Variants in NEK10 observed in about 807,000 individuals in gnomAD.
The protein encoded by NEK10 is serine/threonine-protein kinase Nek10.
NEK10 carries 122 observed loss-of-function variants against 159.8 expected under a neutral mutation model. The ratio of observed to expected loss-of-function variants is 0.76; its 90% CI spans 0.66 to 0.89. NEK10 has a LOEUF of 0.89. NEK10 is among the 40% of genes least tolerant of loss of function. NEK10 has a pLI of 0.00. For synonymous variants in NEK10, 466 were observed against 457.1 expected, an observed-to-expected ratio of 1.02 and a Z score of -0.25; for missense variants, 1,342 against 1,323.1, an observed-to-expected ratio of 1.01 and a Z score of -0.22.
chr3:27,263,903 G>A (rs562537981), intron 22 of NEK10, among the ~76,000 whole-genome samples: 12 of 152,236 alleles, frequency 7.9e-5, no homozygotes, highest in Non-Finnish European at 1.3e-4. Flanking sequence ...CGTCTTCTGC[G>A]TCGCTCATGC....
At chr3:27,307,185 T>C (rs2149571663) in intron 11 of NEK10, among the ~76,000 whole-genome samples, 1 of 152,366 alleles carries the variant, frequency 6.6e-6, no homozygotes, top group South Asian at 2.1e-4. Context: ...CTATATTTAA[T>C]GCTCTTTTAT....
At chr3:27,153,351 A>G (rs563169729) in intron 30 of NEK10, among the ~76,000 whole-genome samples, 1 of 151,900 alleles carries the variant, frequency 6.6e-6, no homozygotes, top group Non-Finnish European at 1.5e-5. Flanking sequence ...TGAGACAGAC[A>G]GTAGCGGGGA....
intron 31 of NEK10, among the ~76,000 whole-genome samples, chr3:27,136,200 C>T (rs1943189250): frequency 1.3e-5 from 2 of 150,502 alleles, no homozygotes; most frequent in South Asian, 4.2e-4. Flanking sequence ...GCAAGCTCCA[C>T]CTCCCAGGTT....
chr3:27,322,030 A>T (rs2045676146), intron 6 of NEK10, 147 bp downstream of exon 6: 13 of 557,224 alleles, frequency 2.3e-5, no homozygotes, highest in Non-Finnish European at 3.9e-5. Flanking sequence ...TTTAAATAGT[A>T]GATGAGACAT....
At chr3:27,258,826 G>A (rs933056488) in intron 22 of NEK10, among the ~76,000 whole-genome samples, 1 of 152,120 alleles carries the variant, frequency 6.6e-6, no homozygotes, top group African/African-American at 2.4e-5. Context: ...CTAGTTTACA[G>A]TCCCACCAAC....
intron 30 of NEK10, among the ~76,000 whole-genome samples, chr3:27,144,162 G>A (rs977009258): frequency 3.3e-5 from 5 of 151,996 alleles, no homozygotes; most frequent in African/African-American, 1.2e-4. Context: ...AACAAATGGT[G>A]ACATATCACA....
chr3:27,366,247 A>T (rs1391766664), intron 1 of NEK10, among the ~76,000 whole-genome samples: 1 of 152,150 alleles, frequency 6.6e-6, no homozygotes, highest in Admixed American at 6.6e-5. Context: ...TAACTTGCCA[A>T]TCCCATATCT....
At chr3:27,346,903 C>T (rs1448706293) in intron 3 of NEK10, among the ~76,000 whole-genome samples, 1 of 152,206 alleles carries the variant, frequency 6.6e-6, no homozygotes, top group Admixed American at 6.5e-5. Flanking sequence ...CTATGCTTCA[C>T]TTGCAATAAT....
At chr3:27,316,114 C>A in intron 6 of NEK10, among the ~76,000 whole-genome samples, 1 of 152,038 alleles carries the variant, frequency 6.6e-6, no homozygotes, top group East Asian at 1.9e-4. Context: ...TAGATGTGAG[C>A]CTGAATTTGA....
At chr3:27,286,544 G>A (rs548180585) in intron 20 of NEK10, among the ~76,000 whole-genome samples, 1 of 50,290 alleles carries the variant, frequency 2.0e-5, no homozygotes, top group Non-Finnish European at 3.5e-5. Flanking sequence ...ACCACGCCCA[G>A]CTTTTTTTTT....
chr3:27,255,043 A>G (rs1956038606), intron 23 of NEK10: 1 of 162,582 alleles, frequency 6.2e-6, no homozygotes, highest in Non-Finnish European at 1.4e-5. Flanking sequence ...GCAGAAATTT[A>G]AGTTTGTGTT....
At chr3:27,328,864 C>T (rs1462471189) in intron 5 of NEK10, among the ~76,000 whole-genome samples, 1 of 152,100 alleles carries the variant, frequency 6.6e-6, no homozygotes, top group Non-Finnish European at 1.5e-5. Context: ...CTGAGGCATT[C>T]TCACACATTG....
At chr3:27,132,309 AC>A (rs1265303886) in intron 31 of NEK10, among the ~76,000 whole-genome samples, 1 of 152,242 alleles carries the variant, frequency 6.6e-6, no homozygotes, top group African/African-American at 2.4e-5. Flanking sequence ...CAGTCTTGAC[AC>A]AGAATGGTGC....
intron 23 of NEK10, among the ~76,000 whole-genome samples, chr3:27,221,418 C>T (rs1248406242): frequency 6.6e-6 from 1 of 152,178 alleles, no homozygotes; most frequent in Non-Finnish European, 1.5e-5. Context: ...ATGTCATACC[C>T]ACTAGTGTGG....
chr3:27,259,334 G>A (rs954712503), intron 22 of NEK10, among the ~76,000 whole-genome samples: 1 of 152,168 alleles, frequency 6.6e-6, no homozygotes, highest in Non-Finnish European at 1.5e-5. Context: ...TATTCTTCTA[G>A]GGTTTTTATG....
chr3:27,236,059 A>G (rs920199389), intron 23 of NEK10, among the ~76,000 whole-genome samples: 2 of 152,282 alleles, frequency 1.3e-5, no homozygotes, highest in Admixed American at 6.5e-5. Flanking sequence ...ACAGAAAAAC[A>G]AATACTGCAC....
chr3:27,301,547 A>C (rs2043823319), intron 13 of NEK10, 149 bp downstream of exon 13: 1 of 623,820 alleles, frequency 1.6e-6, no homozygotes, highest in African/African-American at 1.8e-5. Context: ...CACTGGGACC[A>C]AGAAGTTTCT....
intron 23 of NEK10, among the ~76,000 whole-genome samples, chr3:27,204,421 C>A (rs1383827960): frequency 6.5e-5 from 8 of 122,570 alleles, no homozygotes. Flanking sequence ...AACTCGTCAT[C>A]TAGCATTAGG....
At chr3:27,177,078 C>T (rs1030905590) in intron 26 of NEK10, among the ~76,000 whole-genome samples, 3 of 152,134 alleles carry the variant, frequency 2.0e-5, no homozygotes. Context: ...AACCCAAGAA[C>T]CAATTGGGTC....
Sources: allele counts gnomAD v4.1 joint callset (sites outside exome capture counted in the v4.1 genomes callset), GRCh38; gene constraint gnomAD v4.1.1; transcripts MANE v1.5; gene names NCBI Gene and HGNC (gene_info 2026-07-23, HGNC 2026-07-21).